Variants in ANTXR1 observed in about 807,000 individuals in gnomAD.
ANTXR1 encodes anthrax toxin receptor 1.
In ANTXR1, 19 loss-of-function variants were observed where a neutral mutation model predicts 78.1. The observed-to-expected ratio is 0.24, with a 90% CI of 0.17 to 0.36. ANTXR1 has a LOEUF of 0.36. ANTXR1 is among the 10% of genes least tolerant of loss of function. The probability of loss-of-function intolerance (pLI) is 1.00; values close to 1 mark genes in which losing one functional copy is unlikely to be tolerated. For synonymous variants in ANTXR1, 273 were observed against 260.5 expected (o/e 1.05, Z -0.46); for missense variants, 518 against 718.6 (o/e 0.72, Z 3.19).
At chr2:69,117,267 G>A (rs777351495) in intron 10 of ANTXR1, among the ~76,000 whole-genome samples, 3 of 152,152 alleles carry the variant, frequency 2.0e-5, no homozygotes, top group Non-Finnish European at 4.4e-5. Context: ...GGCTTACACT[G>A]GGCAAGCTAT....
At chr2:69,056,425 AT>A (rs1482172553) in intron 3 of ANTXR1, among the ~76,000 whole-genome samples, 1 of 151,884 alleles carries the variant, frequency 6.6e-6, no homozygotes, top group Non-Finnish European at 1.5e-5. Context: ...ACTCACTTCA[AT>A]TTTTTAAGTG....
intron 14 of ANTXR1, among the ~76,000 whole-genome samples, chr2:69,180,105 A>G (rs947950817): frequency 6.6e-6 from 1 of 152,232 alleles, no homozygotes; most frequent in African/African-American, 2.4e-5. Flanking sequence ...CCCAAGCACA[A>G]CATGTAACTC....
At chr2:69,026,624 GA>G (rs1200621056) in intron 1 of ANTXR1, among the ~76,000 whole-genome samples, 3 of 152,220 alleles carry the variant, frequency 2.0e-5, no homozygotes, top group Non-Finnish European at 1.5e-5. Flanking sequence ...GATGAGAACT[GA>G]AAACAAGCCA....
chr2:69,190,248 G>A (rs1307726979), intron 16 of ANTXR1, among the ~76,000 whole-genome samples: 1 of 152,234 alleles, frequency 6.6e-6, no homozygotes, highest in Non-Finnish European at 1.5e-5. Flanking sequence ...GAGTGTCAAG[G>A]CATTTGGCAG....
chr2:69,202,600 G>C (rs749482172), intron 17 of ANTXR1, among the ~76,000 whole-genome samples: 4 of 152,226 alleles, frequency 2.6e-5, no homozygotes, highest in Non-Finnish European at 5.9e-5. Flanking sequence ...GAACTCTTAG[G>C]AGAAGGGGTT....
intron 16 of ANTXR1, among the ~76,000 whole-genome samples, chr2:69,191,853 T>C (rs1674553140): frequency 6.6e-6 from 1 of 152,266 alleles, no homozygotes; most frequent in African/African-American, 2.4e-5. Flanking sequence ...CAATCTCAAC[T>C]CTGGTTTATA....
At chr2:69,032,869 A>G (rs142637221) in intron 1 of ANTXR1, among the ~76,000 whole-genome samples, 2 of 152,308 alleles carry the variant, frequency 1.3e-5, no homozygotes, top group African/African-American at 2.4e-5. Flanking sequence ...AATACATTTT[A>G]TATCTTGACA....
chr2:69,240,627 G>T (rs1430872723), intron 17 of ANTXR1, among the ~76,000 whole-genome samples: 1 of 152,202 alleles, frequency 6.6e-6, no homozygotes, highest in African/African-American at 2.4e-5. Context: ...TTGTGGTCAA[G>T]TGCTACACTG....
In ANTXR1 at chr2:69,013,508, G is replaced by C. The variant is rs1033334663; in HGVS notation, c.9G>C (p.Thr3=). The C allele has an allele frequency of 1.5e-5, 24 of 1,589,266 alleles. No individual in the cohort carries two copies. Among genetic ancestry groups the C allele is most frequent in the Non-Finnish European group, 2.0e-5 (23 of 1,170,002 alleles). The change falls in exon 1 of 18, where the codon ACG becomes ACC. Residue 3 remains threonine, a synonymous_variant. Coordinates refer to ENST00000303714, the MANE Select transcript of ANTXR1 (RefSeq NM_032208.3). The surrounding 1 kb of genome is among the most constrained non-coding windows in gnomAD (Gnocchi z 5.0). ...TCCCCGGGCTGCGGGCCATGGCCAC[G>C]GCGGAGCGGAGAGCCCTCGGCATCG... MA[T]AERRALGIGF... is the part of the protein sequence containing the mutation.
chr2:69,174,182 T>G (rs927744380), intron 14 of ANTXR1, among the ~76,000 whole-genome samples: 3 of 152,168 alleles, frequency 2.0e-5, no homozygotes, highest in African/African-American at 7.2e-5. Flanking sequence ...GAATCTGACT[T>G]GAGGGACATT....
chr2:69,089,359 A>G (rs143875976), intron 8 of ANTXR1, among the ~76,000 whole-genome samples: 2 of 152,344 alleles, frequency 1.3e-5, no homozygotes, highest in African/African-American at 4.8e-5. Context: ...AAGGATGCCC[A>G]GATTTCTCTC....
chr2:69,146,062 T>C lies in ANTXR1; in HGVS notation c.952-6107T>C, dbSNP rs1240946627. 5 of 985,342 alleles carry C rather than the reference T, an allele frequency of 5.1e-6. No individual in the cohort carries two copies. The Admixed American group carries it at 3.1e-4, about 61-fold the overall frequency. 61.0% of individuals were successfully genotyped at this position (985,342 alleles called of 1,614,324 possible). A position where few individuals can be genotyped will look rare whatever the true frequency, so the allele number is the denominator to read the frequency against. ...ATTTGGCCATTCAAGCCGGGCAGCC[T>C]TCAGAGAATGTCATCCCTAATGACA... is the stretch of plus-strand genomic sequence containing the variant. On this transcript the variant is annotated intron_variant, in intron 12 of 17. Coordinates refer to ENST00000303714, the MANE Select transcript of ANTXR1 (RefSeq NM_032208.3).
chr2:69,073,725 G>A (rs916440593), intron 6 of ANTXR1, among the ~76,000 whole-genome samples: 4 of 152,114 alleles, frequency 2.6e-5, no homozygotes, highest in Middle Eastern at 3.2e-3. Flanking sequence ...CTGATGAATT[G>A]AAAACTAATG....
At chr2:69,170,156 G>A in intron 13 of ANTXR1, 92 bp from the exon 14 acceptor site, 1 of 1,413,172 alleles carries the variant, frequency 7.1e-7, no homozygotes, top group Non-Finnish European at 1.0e-6. Context: ...GGTAATTATG[G>A]CAGCACCACC....
chr2:69,147,392 C>T (rs1673258817), intron 12 of ANTXR1, among the ~76,000 whole-genome samples: 1 of 152,184 alleles, frequency 6.6e-6, no homozygotes, highest in Non-Finnish European at 1.5e-5. Flanking sequence ...TCCCCCTTCA[C>T]AAGGTAGTTG....
chr2:69,196,870 C>T (rs529636637), intron 17 of ANTXR1, among the ~76,000 whole-genome samples: 1 of 152,220 alleles, frequency 6.6e-6, no homozygotes, highest in Non-Finnish European at 1.5e-5. Context: ...TCATCCTCCC[C>T]CCAGCTACTC....
At chr2:69,073,650 C>A (rs1670639887) in intron 6 of ANTXR1, among the ~76,000 whole-genome samples, 1 of 152,036 alleles carries the variant, frequency 6.6e-6, no homozygotes, top group South Asian at 2.1e-4. Flanking sequence ...TTCCTCAAGG[C>A]AAGTGGAAAA....
chr2:69,134,379 G>A (rs1672852194), intron 12 of ANTXR1, among the ~76,000 whole-genome samples: 1 of 152,176 alleles, frequency 6.6e-6, no homozygotes, highest in Admixed American at 6.5e-5. Flanking sequence ...ATAGATCCAA[G>A]GGGTAGAATA....
intron 13 of ANTXR1, among the ~76,000 whole-genome samples, chr2:69,167,516 G>A (rs1445591749): frequency 1.3e-5 from 2 of 152,196 alleles, no homozygotes. Flanking sequence ...CCCACTCACG[G>A]ACAGCCTATC....
Sources: allele counts gnomAD v4.1 joint callset (sites outside exome capture counted in the v4.1 genomes callset), GRCh38; gene constraint gnomAD v4.1.1; non-coding constraint Gnocchi (gnomAD v3.1); transcripts MANE v1.5; gene names NCBI Gene and HGNC (gene_info 2026-07-23, HGNC 2026-07-21).